Variants in CPS1 observed in about 807,000 individuals in gnomAD.
CPS1 encodes carbamoyl-phosphate synthase [ammonia], mitochondrial.
CPS1 carries 109 observed loss-of-function variants against 174.6 expected under a neutral mutation model. The ratio of observed to expected loss-of-function variants is 0.62; its 90% confidence interval spans 0.53 to 0.73. The LOEUF is 0.73. CPS1 is among the 30% of genes least tolerant of loss of function. CPS1 has a pLI of 0.00. For missense variants in CPS1, 1,689 were observed against 1,821.9 expected (o/e 0.93, Z 1.33); for synonymous variants, 637 against 632.0 (o/e 1.01, Z -0.12).
upstream of CPS1, among the ~76,000 whole-genome samples, chr2:210,554,759 A>G (rs1696849253): frequency 6.6e-6 from 1 of 151,760 alleles, no homozygotes; most frequent in Admixed American, 6.6e-5. Flanking sequence ...AAAAGAAAAA[A>G]AAACTTAAAA....
At position 210,674,888 on chromosome 2, in the gene CPS1, A is replaced by G. The variant is rs767666966; in HGVS notation, c.4102-14A>G. ...GTATATCTAGAAAGTGAATTTTGTGAAATTCCTTTTCAGCAATCATTCCGG... is the reference window on the plus strand; with the variant it reads ...GTATATCTAGAAAGTGAATTTTGTGGAATTCCTTTTCAGCAATCATTCCGG... On this transcript the variant is annotated splice_polypyrimidine_tract_variant and intron_variant, in intron 34 of 37. Transcript: ENST00000233072. The G allele has an allele frequency of 6.2e-7, 1 of 1,610,790 alleles. No homozygotes were observed. The highest frequency in any genetic ancestry group is 8.5e-7 in the Non-Finnish European group (1 of 1,177,086).
chr2:210,549,034 G>A (rs1267595551), intron 1 of CPS1, among the ~76,000 whole-genome samples: 2 of 151,980 alleles, frequency 1.3e-5, no homozygotes, highest in East Asian at 1.9e-4. Context: ...TGTTCTCTAC[G>A]TCATTCCAGT....
chr2:210,524,111 A>G (rs964695385), intron 1 of CPS1, among the ~76,000 whole-genome samples: 41 of 152,080 alleles, frequency 2.7e-4, no homozygotes, highest in Non-Finnish European at 5.4e-4. Context: ...CCCTTCTCCC[A>G]GCTTCCCCAT....
Position 210,570,533 on chromosome 2 carries a change from T to C in CPS1, c.127-2765T>C, listed in dbSNP as rs557860394. 6.3e-4 allele frequency among the ~76,000 whole-genome samples: 96 copies of C among 151,968 alleles called. 1 individual carries two copies. Among genetic ancestry groups the C allele is most frequent in the South Asian group, 5.2e-3 (25 of 4,822 alleles). On this transcript the variant is annotated intron_variant, in intron 1 of 37. Transcript: ENST00000233072. Reference sequence around the variant, plus strand: ...AGAAAAGAGAAAAGCAAAATAAAAATATAAACAAAGGTAATATTTTAAGCA... The same window carrying C: ...AGAAAAGAGAAAAGCAAAATAAAAACATAAACAAAGGTAATATTTTAAGCA...
intron 1 of CPS1, among the ~76,000 whole-genome samples, chr2:210,496,574 A>G (rs1426782195): frequency 6.6e-6 from 1 of 152,146 alleles, no homozygotes; most frequent in Non-Finnish European, 1.5e-5. Flanking sequence ...CTAGGGCCCT[A>G]TTTGCAAGGA....
chr2:210,654,781 T>G (rs750070368), intron 29 of CPS1, among the ~76,000 whole-genome samples: 5 of 152,234 alleles, frequency 3.3e-5, no homozygotes, highest in Non-Finnish European at 5.9e-5. Context: ...AGCATTCATC[T>G]TCTGCTTTGC....
rs1182422545 is a variant in CPS1 at position 210,672,317 on chromosome 2, C to T, written c.4102-2585C>T. On this transcript the variant is annotated intron_variant, in intron 34 of 37. Transcript: ENST00000233072. ...ATAAAAGATTGAGGAAAGTTGAGTG[C>T]ATGATTAATGTATCAATTAGCAAGT... The T allele has an allele frequency of 2.6e-5, 4 of 152,136 alleles. No individual in the cohort carries two copies. The East Asian group carries it at 7.7e-4, about 29-fold the overall frequency. 9.4% of individuals were successfully genotyped at this position (152,136 alleles called of 1,614,324 possible).
At chr2:210,605,921 G>C (rs1698891610) in intron 17 of CPS1, among the ~76,000 whole-genome samples, 2 of 151,716 alleles carry the variant, frequency 1.3e-5, no homozygotes, top group South Asian at 4.1e-4. Context: ...ATAGGGCAGG[G>C]GAAAGAGGAA....
chr2:210,630,923 G>T (rs959804728), intron 21 of CPS1, among the ~76,000 whole-genome samples: 1 of 151,792 alleles, frequency 6.6e-6, no homozygotes, highest in Non-Finnish European at 1.5e-5. Context: ...GCTAGTGAGG[G>T]TTCATGAGTC....
rs1001686600 is a variant in CPS1, at chr2:210,605,020, A to T, written c.1837-82A>T. 8.1e-6 allele frequency: 12 copies of T among 1,484,172 alleles called. 1 individual carries two copies. The highest frequency in any genetic ancestry group is 1.1e-5 in the Non-Finnish European group (12 of 1,070,090). 91.9% of individuals were successfully genotyped at this position (1,484,172 alleles called of 1,614,324 possible). Reference sequence around the variant, plus strand: ...GAGAGTTCAGTGCTGACCAGGATTTATGCCAGGGTATTTTGCCAAATATCC... The same window carrying T: ...GAGAGTTCAGTGCTGACCAGGATTTTTGCCAGGGTATTTTGCCAAATATCC... On this transcript the variant is annotated intron_variant, in intron 16 of 37. Transcript: ENST00000233072.
intron 23 of CPS1, among the ~76,000 whole-genome samples, chr2:210,639,537 G>A (rs890995637): frequency 3.7e-4 from 56 of 149,514 alleles, no homozygotes; most frequent in African/African-American, 1.3e-3. Flanking sequence ...GCGTGAACCC[G>A]GGAAGCGGAG....
intron 30 of CPS1, chr2:210,657,775 TG>T (rs1480160826): frequency 6.6e-6 from 1 of 152,210 alleles, no homozygotes; most frequent in Non-Finnish European, 1.5e-5. Context: ...TGAAGGTCTT[TG>T]TTCTAGAAGG....
intron 1 of CPS1, among the ~76,000 whole-genome samples, chr2:210,531,543 C>T (rs1574496550): frequency 6.6e-6 from 1 of 152,192 alleles, no homozygotes; most frequent in East Asian, 1.9e-4. Context: ...CCTACCAGCT[C>T]TGTTTTACTT....
chr2:210,509,270 T>A (rs1454509001), intron 1 of CPS1, among the ~76,000 whole-genome samples: 1 of 152,054 alleles, frequency 6.6e-6, no homozygotes, highest in Non-Finnish European at 1.5e-5. Context: ...ACAGAACCAA[T>A]GACAAAAACC....
At chr2:210,520,404 G>A (rs1291802825) in intron 1 of CPS1, among the ~76,000 whole-genome samples, 5 of 151,818 alleles carry the variant, frequency 3.3e-5, no homozygotes, top group African/African-American at 1.2e-4. Context: ...CTATCAACCC[G>A]CCATCTAGGT....
intron 33 of CPS1, among the ~76,000 whole-genome samples, chr2:210,666,484 A>G (rs1418518184): frequency 6.6e-6 from 1 of 152,018 alleles, no homozygotes; most frequent in Non-Finnish European, 1.5e-5. Flanking sequence ...TCTTTAATCC[A>G]TCTTGAATTA....
intron 10 of CPS1, 67 bp from the exon 11 acceptor site, chr2:210,592,812 T>C: frequency 6.9e-7 from 1 of 1,450,450 alleles, no homozygotes; most frequent in Non-Finnish European, 9.7e-7. Flanking sequence ...GTTCCCTGAA[T>C]AATACATAGC....
intron 1 of CPS1, among the ~76,000 whole-genome samples, chr2:210,543,114 G>A (rs1696475136): frequency 6.6e-6 from 1 of 152,094 alleles, no homozygotes; most frequent in Non-Finnish European, 1.5e-5. Flanking sequence ...GGGAGAGGGG[G>A]GCACTAGCCC....
intron 1 of CPS1, among the ~76,000 whole-genome samples, chr2:210,490,014 A>G (rs1694828558): frequency 8.4e-6 from 1 of 119,336 alleles, no homozygotes; most frequent in Non-Finnish European, 1.8e-5. Context: ...AAAAAAAAAA[A>G]AGGAAGGAAG....
Sources: gnomAD v4.1 joint callset for allele counts (sites outside exome capture counted in the v4.1 genomes callset) on GRCh38, gnomAD v4.1.1 for gene constraint, MANE v1.5 for transcripts, NCBI Gene and HGNC (gene_info 2026-07-23, HGNC 2026-07-21) for gene names.